Variants in MCUB observed in about 807,000 individuals in gnomAD.
MCUB encodes the protein mitochondrial calcium uniporter dominant negative subunit beta, also known as calcium uniporter regulatory subunit MCUb, mitochondrial.
In MCUB, 46 loss-of-function variants were observed where a neutral mutation model predicts 41.4. That is an observed-to-expected ratio of 1.11 (90% CI 0.88 to 1.42). The LOEUF (loss-of-function observed/expected upper bound fraction) is 1.42, where lower values mean the gene tolerates loss of function less well. Ranked by LOEUF, MCUB falls within the 40% of genes most tolerant of loss-of-function variation. The pLI is 0.00. For synonymous variants in MCUB, 148 were observed against 148.2 expected (o/e 1.00, Z 0.01); for missense variants, 403 against 404.9 (o/e 1.00, Z 0.04).
intron 1 of MCUB, among the ~76,000 whole-genome samples, chr4:109,658,159 C>T (rs778027601): frequency 5.9e-5 from 9 of 152,208 alleles, no homozygotes; most frequent in Non-Finnish European, 1.2e-4. Context: ...TAAATAACCA[C>T]ATTTAACAAG....
intron 1 of MCUB, among the ~76,000 whole-genome samples, chr4:109,619,015 CCTAT>C (rs1476757099): frequency 2.2e-5 from 3 of 136,398 alleles, no homozygotes; most frequent in Non-Finnish European, 4.7e-5. Flanking sequence ...TACCTACCTA[CCTAT>C]CTACCTGCCT....
At chr4:109,564,649 G>A (rs546551916) in intron 1 of MCUB, among the ~76,000 whole-genome samples, 26 of 152,296 alleles carry the variant, frequency 1.7e-4, no homozygotes, top group Middle Eastern at 3.4e-3. Flanking sequence ...TACAATACTT[G>A]TAGTGAACCT....
chr4:109,671,685 A>T (rs1327412617), intron 4 of MCUB, among the ~76,000 whole-genome samples: 1 of 152,182 alleles, frequency 6.6e-6, no homozygotes, highest in African/African-American at 2.4e-5. Context: ...TCCTACTCTG[A>T]TACTTCCAAA....
At chr4:109,660,875 A>G (rs1729217010) in intron 3 of MCUB, among the ~76,000 whole-genome samples, 1 of 152,212 alleles carries the variant, frequency 6.6e-6, no homozygotes, top group South Asian at 2.1e-4. Context: ...AATTAATGGA[A>G]TAAATTTAAT....
intron 1 of MCUB, among the ~76,000 whole-genome samples, chr4:109,563,705 G>A (rs1001481259): frequency 6.6e-5 from 10 of 152,132 alleles, no homozygotes; most frequent in African/African-American, 2.4e-4. Flanking sequence ...TGGTATTAGT[G>A]CTGTTTTACA....
intron 1 of MCUB, among the ~76,000 whole-genome samples, chr4:109,567,589 T>C (rs1726812229): frequency 7.0e-6 from 1 of 143,620 alleles, no homozygotes; most frequent in Admixed American, 7.0e-5. Flanking sequence ...TTTTGTATTT[T>C]AGTAGAGACC....
intron 1 of MCUB, among the ~76,000 whole-genome samples, chr4:109,570,859 G>A (rs1402794959): frequency 6.6e-6 from 1 of 152,216 alleles, no homozygotes; most frequent in Non-Finnish European, 1.5e-5. Flanking sequence ...GTAAAGATGT[G>A]TAGAGATTTC....
chr4:109,630,054 T>A (rs1728440729), intron 1 of MCUB, among the ~76,000 whole-genome samples: 1 of 152,140 alleles, frequency 6.6e-6, no homozygotes, highest in Non-Finnish European at 1.5e-5. Flanking sequence ...ACTTACCACT[T>A]TGAAGATTCC....
chr4:109,570,179 A>AC (rs1393249273), intron 1 of MCUB, among the ~76,000 whole-genome samples: 1 of 152,072 alleles, frequency 6.6e-6, no homozygotes, highest in Non-Finnish European at 1.5e-5. Context: ...CTCATTTGGT[A>AC]CTTCTGTACT....
At chr4:109,664,421 A>C in intron 4 of MCUB, 27 bp downstream of exon 4, 1 of 745,450 alleles carries the variant, frequency 1.3e-6, no homozygotes. Flanking sequence ...TCCAACTATT[A>C]CTTTTTTTTT....
At chr4:109,649,482 C>G (rs1728912498) in intron 1 of MCUB, among the ~76,000 whole-genome samples, 1 of 152,088 alleles carries the variant, frequency 6.6e-6, no homozygotes, top group Non-Finnish European at 1.5e-5. Flanking sequence ...GTCGCTCAGT[C>G]TCAGTTTTGT....
At position 109,688,371 on chromosome 4, in the gene MCUB, A is replaced by G. The variant is rs1395586400; in HGVS notation, c.*779A>G. 1 of 152,258 alleles carries G rather than the reference A, an allele frequency of 6.6e-6. No individual in the cohort carries two copies. Among genetic ancestry groups the G allele is most frequent in the African/African-American group, 2.4e-5 (1 of 41,470 alleles). The allele number at this position is 152,258 out of a possible 1,614,324, so 9.4% of individuals were successfully genotyped here. On this transcript the variant is annotated 3_prime_UTR_variant, in exon 8 of 8. Coordinates refer to ENST00000394650, the MANE Select transcript of MCUB (RefSeq NM_017918.5). Reference sequence around the variant, plus strand: ...GTTGGACTGTTTGTAGGAACTTAACATGGAAGATGCTGACAGAATCAGATT... The same window carrying G: ...GTTGGACTGTTTGTAGGAACTTAACGTGGAAGATGCTGACAGAATCAGATT...
At chr4:109,563,105 C>G (rs529709338) in intron 1 of MCUB, among the ~76,000 whole-genome samples, 1 of 152,300 alleles carries the variant, frequency 6.6e-6, no homozygotes, top group South Asian at 2.1e-4. Context: ...TGCACAAAGA[C>G]TCAGCTTTGA....
At chr4:109,682,530 C>T in intron 4 of MCUB, 52 bp from the exon 5 acceptor site, 1 of 1,471,332 alleles carries the variant, frequency 6.8e-7, no homozygotes, top group Non-Finnish European at 9.2e-7. Flanking sequence ...GATTTACACA[C>T]CCTGCGGGAA....
intron 1 of MCUB, among the ~76,000 whole-genome samples, chr4:109,631,789 CT>C (rs1728479648): frequency 6.6e-6 from 1 of 152,146 alleles, no homozygotes; most frequent in Non-Finnish European, 1.5e-5. Context: ...TTTCACCTTC[CT>C]TTATTCAGCC....
chr4:109,607,685 C>T (rs180798202), intron 1 of MCUB, among the ~76,000 whole-genome samples: 3 of 151,902 alleles, frequency 2.0e-5, no homozygotes, highest in Non-Finnish European at 4.4e-5. Context: ...GTTTTTTTTC[C>T]TTCAGCACTT....
chr4:109,602,755 C>G (rs1727771869), intron 1 of MCUB, among the ~76,000 whole-genome samples: 1 of 152,070 alleles, frequency 6.6e-6, no homozygotes, highest in South Asian at 2.1e-4. Context: ...ATGTCATTGG[C>G]ATTTTGATAG....
intron 7 of MCUB, among the ~76,000 whole-genome samples, chr4:109,686,692 A>T (rs1318375182): frequency 6.6e-6 from 1 of 152,114 alleles, no homozygotes; most frequent in Non-Finnish European, 1.5e-5. Flanking sequence ...TAGTCAACAT[A>T]GTGAGACCTC....
At chr4:109,636,994 T>C (rs1728610000) in intron 1 of MCUB, among the ~76,000 whole-genome samples, 3 of 152,114 alleles carry the variant, frequency 2.0e-5, no homozygotes. Flanking sequence ...AGAAGCCAGA[T>C]TGCAATGGGT....
Sources: gnomAD v4.1 joint callset for allele counts (sites outside exome capture counted in the v4.1 genomes callset) on GRCh38, gnomAD v4.1.1 for gene constraint, MANE v1.5 for transcripts, NCBI Gene and HGNC (gene_info 2026-07-23, HGNC 2026-07-21) for gene names.